The following AVPI1 variants were observed in gnomAD, a reference collection of about 807,000 sequenced individuals.
AVPI1 encodes the protein arginine vasopressin induced 1.
Under a neutral mutation model 11.9 loss-of-function variants are expected in AVPI1, and 9 were observed. The ratio of observed to expected loss-of-function variants is 0.76; its 90% CI spans 0.46 to 1.32. The LOEUF (loss-of-function observed/expected upper bound fraction) is 1.32, where lower values mean the gene tolerates loss of function less well. AVPI1 is among the 40% of genes most tolerant of loss of function. The pLI is 0.00. For synonymous variants in AVPI1, 68 were observed against 78.1 expected, an observed-to-expected ratio of 0.87 and a Z score of 0.68; for missense variants, 207 against 195.8, an observed-to-expected ratio of 1.06 and a Z score of -0.34.
At chr10:97,678,142 G>A (rs1169321979) in intron 2 of AVPI1, 117 bp from the exon 3 acceptor site, 8 of 1,136,972 alleles carry the variant, frequency 7.0e-6, no homozygotes, top group Non-Finnish European at 1.0e-5. Context: ...ATGAGAGCGG[G>A]GCTCTGCTCT....
In AVPI1 at chr10:97,677,714, G is replaced by A; in HGVS notation, c.*155C>T. ...CCACATAATGGAGAGCTCAACAGAA[G>A]CATCCAGTCTTGTTCTGAATGGAGC... On this transcript the variant is annotated 3_prime_UTR_variant, in exon 3 of 3. Coordinates refer to ENST00000370626, the MANE Select transcript of AVPI1 (RefSeq NM_021732.3). 1 of 821,516 alleles carries A rather than the reference G, an allele frequency of 1.2e-6. No homozygotes were observed. The allele number at this position is 821,516 out of a possible 1,614,324, so 50.9% of individuals were successfully genotyped here. A position where few individuals can be genotyped will look rare whatever the true frequency, so the allele number is the denominator to read the frequency against.
intron 2 of AVPI1, among the ~76,000 whole-genome samples, chr10:97,678,979 G>C (rs1374000969): frequency 2.4e-5 from 3 of 123,694 alleles, no homozygotes; most frequent in African/African-American, 9.2e-5. Flanking sequence ...GTGTGTGTGT[G>C]TGTGTGTGTG....
rs1278451948 is a variant in AVPI1, at chr10:97,679,787, T to C, written c.119A>G (p.Gln40Arg). The change falls in exon 2 of 3, where the codon CAA becomes CGA. Residue 40 changes from glutamine to arginine, a missense_variant. By Grantham distance (43) the Gln-to-Arg change is conservative. Transcript: ENST00000370626. Reference protein sequence around the residue: ...IFQDAELLQIQALFQRSGDQL... With the variant: ...IFQDAELLQIRALFQRSGDQL... The stretch of plus-strand genomic sequence containing the variant: ...GTCCCCGCTGCGTTGAAACAGGGCT[T>C]GGATCTGCAGCAGCTCGGCGTCCTG... 1.7e-5 allele frequency: 27 copies of C among 1,613,770 alleles called. No individual in the cohort carries two copies. Among genetic ancestry groups the C allele is most frequent in the African/African-American group, 2.7e-5 (2 of 74,910 alleles).
At chr10:97,680,199 G>A (rs1375542596) in intron 1 of AVPI1, among the ~76,000 whole-genome samples, 1 of 152,164 alleles carries the variant, frequency 6.6e-6, no homozygotes, top group African/African-American at 2.4e-5. Context: ...ACAAAGCCAC[G>A]TGCACATGCA....
Position 97,679,840 on chromosome 10 carries a change from G to T in AVPI1, c.66C>A (p.Gly22=). 1 of 1,608,066 alleles carries T rather than the reference G, an allele frequency of 6.2e-7. No homozygotes were observed. The highest frequency in any genetic ancestry group is 1.1e-5 in the South Asian group (1 of 90,048). The change falls in exon 2 of 3, where the codon GGC becomes GGA. Residue 22 remains glycine (G), a synonymous_variant. Coordinates refer to ENST00000370626, the MANE Select transcript of AVPI1 (RefSeq NM_021732.3). ...PPWQAPIEAR[G]RKQASANIFQ... is the part of the protein sequence containing the mutation. ...AGATGTTGGCCGAGGCCTGCTTGCG[G>T]CCCCGGGCCTCAATCGGGGCCTGCC... is the stretch of plus-strand genomic sequence containing the variant.
rs1187503369 is a variant in AVPI1, at chr10:97,679,763, T to C, written c.143A>G (p.Asp48Gly). 2 of 1,614,062 alleles carry C rather than the reference T, an allele frequency of 1.2e-6. No homozygotes were observed. Among genetic ancestry groups the C allele is most frequent in the Admixed American group, 1.7e-5 (1 of 60,022 alleles). ...CTGTGCCCGTTCCTCGGCCAGCTGG[T>C]CCCCGCTGCGTTGAAACAGGGCTTG... The part of the protein sequence containing the change: ...QIQALFQRSG[D>G]QLAEERAQII... Residue 48 changes from aspartate to glycine, a missense_variant, in exon 2 of 3, where the codon GAC (aspartate) becomes GGC (glycine). Coordinates refer to ENST00000370626, the MANE Select transcript of AVPI1 (RefSeq NM_021732.3).
At chr10:97,686,368 A>C (rs2041728859) in intron 1 of AVPI1, among the ~76,000 whole-genome samples, 1 of 152,236 alleles carries the variant, frequency 6.6e-6, no homozygotes, top group Non-Finnish European at 1.5e-5. Flanking sequence ...TTTATGATTA[A>C]AATCATAGAG....
chr10:97,678,849 G>A (rs1279769525), intron 2 of AVPI1, among the ~76,000 whole-genome samples: 1 of 150,430 alleles, frequency 6.6e-6, no homozygotes, highest in Non-Finnish European at 1.5e-5. Flanking sequence ...CACCATGCCT[G>A]GCTAATTTCT....
Position 97,677,863 on chromosome 10 carries a change from C to T in AVPI1, c.*6G>A, listed in dbSNP as rs1306318002. 4 of 1,613,888 alleles carry T rather than the reference C, an allele frequency of 2.5e-6. No individual in the cohort carries two copies. The highest frequency in any genetic ancestry group is 1.7e-5 in the Admixed American group (1 of 60,006). ...AGACACTGCCATTCCTGGCTCTTTC[C>T]CTGGATCAGTGTCTGATCTGGTGGA... On this transcript the variant is annotated 3_prime_UTR_variant, in exon 3 of 3. Coordinates refer to ENST00000370626, the MANE Select transcript of AVPI1 (RefSeq NM_021732.3).
At chr10:97,682,300 G>A (rs994592092) in intron 1 of AVPI1, among the ~76,000 whole-genome samples, 2 of 152,224 alleles carry the variant, frequency 1.3e-5, no homozygotes, top group Admixed American at 1.3e-4. Context: ...GGGAGAGGAG[G>A]AGCAGGTCCT....
intron 2 of AVPI1, among the ~76,000 whole-genome samples, chr10:97,678,920 T>TTCA (rs1423628272): frequency 1.4e-4 from 2 of 14,480 alleles, no homozygotes; most frequent in African/African-American, 4.7e-4. Context: ...TGTGTGTGTG[T>TTCA]GTGTGTGTGT....
rs1589943042 is a variant in AVPI1 at position 97,679,715 on chromosome 10, T to G, written c.191A>C (p.Asp64Ala). ...RAQIIWECAG[D>A]HRVAEALKRL... is the part of the protein sequence containing the mutation. ...CTTGAGGGCCTCAGCCACACGGTGGTCCCCTGCACATTCCCAGATGATCTG... is the reference window on the plus strand; with the variant it reads ...CTTGAGGGCCTCAGCCACACGGTGGGCCCCTGCACATTCCCAGATGATCTG... Residue 64 changes from aspartate (D) to alanine (A), a missense_variant, in exon 2 of 3, where the codon GAC becomes GCC. Coordinates refer to ENST00000370626, the MANE Select transcript of AVPI1 (RefSeq NM_021732.3). 1 of 1,614,138 alleles carries G rather than the reference T, an allele frequency of 6.2e-7. No individual in the cohort carries two copies.
chr10:97,681,682 C>A (rs1385333341), intron 1 of AVPI1, among the ~76,000 whole-genome samples: 2 of 150,544 alleles, frequency 1.3e-5, no homozygotes, highest in African/African-American at 2.4e-5. Context: ...TAGAGACCAT[C>A]CTGGCTAACA....
At chr10:97,684,765 G>C (rs1321053471) in intron 1 of AVPI1, among the ~76,000 whole-genome samples, 2 of 152,130 alleles carry the variant, frequency 1.3e-5, no homozygotes, top group African/African-American at 4.8e-5. Context: ...CTCCCAGAGT[G>C]TTGGGATTAT....
chr10:97,684,497 C>CT (rs5787253), intron 1 of AVPI1, among the ~76,000 whole-genome samples: 64,569 of 117,452 alleles, frequency 0.55, 19,461 homozygotes, highest in Admixed American at 0.65. Flanking sequence ...TCTTTTTACT[C>CT]TTTTTTTTTT....
At chr10:97,681,090 T>C (rs1178062750) in intron 1 of AVPI1, among the ~76,000 whole-genome samples, 1 of 152,212 alleles carries the variant, frequency 6.6e-6, no homozygotes, top group Admixed American at 6.5e-5. Flanking sequence ...AGAACAGGTT[T>C]TGAGTTCCAA....
chr10:97,681,578 G>A (rs2041703990), intron 1 of AVPI1, among the ~76,000 whole-genome samples: 1 of 148,700 alleles, frequency 6.7e-6, no homozygotes, highest in South Asian at 2.1e-4. Flanking sequence ...GCAAAACTCC[G>A]TCTTAAAAAA....
In AVPI1 at chr10:97,686,817, G is replaced by T; in HGVS notation, c.-62C>A. 6.6e-6 allele frequency: 1 copy of T among 152,552 alleles called. No individual in the cohort carries two copies. The highest frequency in any genetic ancestry group is 1.5e-5 in the Non-Finnish European group (1 of 68,238). The allele number at this position is 152,552 out of a possible 1,614,324, so 9.4% of individuals were successfully genotyped here. A position where few individuals can be genotyped will look rare whatever the true frequency, so the allele number is the denominator to read the frequency against. On this transcript the variant is annotated 5_prime_UTR_variant, in exon 1 of 3. Transcript: ENST00000370626. The stretch of plus-strand genomic sequence containing the variant: ...CTCAAATGGGGATGGGGCAAGCTAA[G>T]ATGCGCCCACTCCAACCTCTTCCAC...
chr10:97,678,044 T>C lies in AVPI1; in HGVS notation c.288-19A>G. On this transcript the variant is annotated intron_variant, in intron 2 of 2. Transcript: ENST00000370626. The stretch of plus-strand genomic sequence containing the variant: ...CAGGATTCTGCAGAGAACAAGTGTA[T>C]GATTAGCCAACATCAATAGGAAGAA... 2 of 1,606,488 alleles carry C rather than the reference T, an allele frequency of 1.2e-6. No homozygotes were observed. Among genetic ancestry groups the C allele is most frequent in the Non-Finnish European group, 1.7e-6 (2 of 1,174,768 alleles).
Sources: gnomAD v4.1 joint callset for allele counts (sites outside exome capture counted in the v4.1 genomes callset) on GRCh38, gnomAD v4.1.1 for gene constraint, MANE v1.5 for transcripts, NCBI Gene and HGNC (gene_info 2026-07-23, HGNC 2026-07-21) for gene names.